LARP4B: variants seen among roughly 807,000 people sequenced by gnomAD.
LARP4B encodes La ribonucleoprotein 4B.
Under a neutral mutation model 89.8 loss-of-function variants are expected in LARP4B, and 12 were observed. That is an observed-to-expected ratio of 0.13 (90% CI 0.09 to 0.22). The LOEUF is 0.22. LARP4B is among the 10% of genes least tolerant of loss of function. The probability of loss-of-function intolerance (pLI) is 1.00; values close to 1 mark genes in which losing one functional copy is unlikely to be tolerated. For synonymous variants in LARP4B, 367 were observed against 363.3 expected (o/e 1.01, Z -0.12); for missense variants, 757 against 947.7 (o/e 0.80, Z 2.64).
rs151217516 is a variant in LARP4B at position 817,230 on chromosome 10, G to A, written c.1695+495C>T. Among the ~76,000 whole-genome samples, 846 of 152,286 alleles carry A rather than the reference G, an allele frequency of 5.6e-3. 6 individuals carry two copies. The highest frequency in any genetic ancestry group is 0.019 in the African/African-American group (794 of 41,550). The stretch of plus-strand genomic sequence containing the variant: ...TCATCTGCAGCTCGGGACGACTCCT[G>A]GGATGATATTCACTGCAGTGGAGGC... On this transcript the variant is annotated intron_variant, in intron 15 of 17. Transcript: ENST00000316157.
upstream of LARP4B, among the ~76,000 whole-genome samples, chr10:931,915 G>T (rs1415361198): frequency 1.3e-5 from 2 of 150,342 alleles, no homozygotes; most frequent in Non-Finnish European, 3.0e-5. Flanking sequence ...CCTGCTCGCG[G>T]CCTTGCGATT....
At chr10:876,242 G>T (rs1835446297) in intron 3 of LARP4B, among the ~76,000 whole-genome samples, 1 of 152,034 alleles carries the variant, frequency 6.6e-6, no homozygotes, top group Non-Finnish European at 1.5e-5. Context: ...AAATTAGCCG[G>T]GTGTGGTGGT....
chr10:969,655 G>A, the LARP4B span, among the ~76,000 whole-genome samples: 1 of 152,144 alleles, frequency 6.6e-6, no homozygotes, highest in Non-Finnish European at 1.5e-5. Context: ...GCTTGAACCA[G>A]GAGGCAGAGG....
chr10:843,441 G>A (rs889105967), intron 6 of LARP4B, among the ~76,000 whole-genome samples: 1 of 152,188 alleles, frequency 6.6e-6, no homozygotes, highest in East Asian at 1.9e-4. Context: ...GCTCACGCCT[G>A]GAATCCCAGC....
the LARP4B span, among the ~76,000 whole-genome samples, chr10:970,936 C>A: frequency 2.0e-5 from 3 of 152,166 alleles, no homozygotes; most frequent in African/African-American, 7.2e-5. Context: ...GTGGCCTTGG[C>A]TCCACTGCCC....
chr10:878,444 A>G (rs1835540954), intron 3 of LARP4B, among the ~76,000 whole-genome samples: 1 of 151,808 alleles, frequency 6.6e-6, no homozygotes, highest in Admixed American at 6.6e-5. Context: ...TGACTCATGT[A>G]TCTCATCTAC....
the LARP4B span, among the ~76,000 whole-genome samples, chr10:966,625 G>A: frequency 3.3e-5 from 5 of 152,358 alleles, no homozygotes; most frequent in East Asian, 3.9e-4. Context: ...GGCACAGAAC[G>A]GGAGTGTCAG....
chr10:856,924 G>A (rs180844944), intron 5 of LARP4B, among the ~76,000 whole-genome samples: 35 of 152,202 alleles, frequency 2.3e-4, no homozygotes, highest in Non-Finnish European at 3.7e-4. Context: ...TGGTCATGCT[G>A]CCCCACCTAA....
intron 1 of LARP4B, among the ~76,000 whole-genome samples, chr10:897,341 T>C (rs1836216331): frequency 6.6e-6 from 1 of 152,188 alleles, no homozygotes; most frequent in African/African-American, 2.4e-5. Context: ...ATAATGAAGC[T>C]GGGCTCCTAC....
At chr10:878,505 A>G (rs961641612) in intron 3 of LARP4B, among the ~76,000 whole-genome samples, 6 of 152,198 alleles carry the variant, frequency 3.9e-5, no homozygotes, top group African/African-American at 1.2e-4. Context: ...CACAATTTCT[A>G]TAATTGTGAC....
chr10:809,166 G>A (rs530101320), downstream of LARP4B: 2 of 152,358 alleles, frequency 1.3e-5, no homozygotes, highest in South Asian at 4.1e-4. Context: ...TGCTGCCTAA[G>A]GATGAGTCCA....
chr10:884,539 C>A (rs1353447343), intron 2 of LARP4B, 33 bp from the exon 3 acceptor site: 5 of 1,411,694 alleles, frequency 3.5e-6, no homozygotes, highest in Non-Finnish European at 5.0e-6. Flanking sequence ...AACATCAGTA[C>A]AATGTTTAAA....
chr10:816,431 C>G (rs943881542), intron 15 of LARP4B, among the ~76,000 whole-genome samples: 2 of 152,122 alleles, frequency 1.3e-5, no homozygotes, highest in East Asian at 3.9e-4. Context: ...CAAGAAGCTC[C>G]CAAGAAGCAG....
At chr10:957,800 C>CTTTTT in the LARP4B span, among the ~76,000 whole-genome samples, 18 of 125,078 alleles carry the variant, frequency 1.4e-4, no homozygotes, top group East Asian at 2.3e-4. Flanking sequence ...CATTTTCTTT[C>CTTTTT]TTTTTTTTTT....
the LARP4B span, among the ~76,000 whole-genome samples, chr10:948,030 C>A: frequency 6.6e-6 from 1 of 152,084 alleles, no homozygotes; most frequent in East Asian, 1.9e-4. Context: ...GAGGGCAGCA[C>A]GGGAGACCCC....
chr10:967,169 C>T, the LARP4B span, among the ~76,000 whole-genome samples: 1 of 152,206 alleles, frequency 6.6e-6, no homozygotes, highest in African/African-American at 2.4e-5. Context: ...CTTCAGACTC[C>T]TGGGGAAAGC....
rs745968296 is a variant in LARP4B at position 811,308 on chromosome 10, C to T, written c.*1618G>A. 2.0e-5 allele frequency: 3 copies of T among 152,634 alleles called. No individual in the cohort carries two copies. Among genetic ancestry groups the T allele is most frequent in the Non-Finnish European group, 4.4e-5 (3 of 68,046 alleles). 9.5% of individuals were successfully genotyped at this position (152,634 alleles called of 1,614,324 possible). On this transcript the variant is annotated 3_prime_UTR_variant, in exon 18 of 18. Transcript: ENST00000316157. ...GTATCAGAATTTTCTCTGTAGGGTA[C>T]CTTTTTCATATGTTCTGATTATTTA...
At chr10:887,636 G>A (rs1835898266) in intron 1 of LARP4B, among the ~76,000 whole-genome samples, 1 of 152,004 alleles carries the variant, frequency 6.6e-6, no homozygotes, top group Non-Finnish European at 1.5e-5. Context: ...ACTTCAACCT[G>A]GGAGGCAGAG....
intron 1 of LARP4B, among the ~76,000 whole-genome samples, chr10:919,645 A>G (rs1486500732): frequency 6.6e-6 from 1 of 152,224 alleles, no homozygotes; most frequent in Non-Finnish European, 1.5e-5. Context: ...TGAGGACAGT[A>G]AACCAAAGGC....
Sources: gnomAD v4.1 joint callset for allele counts (sites outside exome capture counted in the v4.1 genomes callset) on GRCh38, gnomAD v4.1.1 for gene constraint, MANE v1.5 for transcripts, NCBI Gene and HGNC (gene_info 2026-07-23, HGNC 2026-07-21) for gene names.